Variants in DRC9 observed in about 807,000 individuals in gnomAD.
The protein encoded by DRC9 is dynein regulatory complex subunit 9.
At chr3:197,945,531 C>T in the DRC9 span, 289 of 816,012 alleles carry the variant, frequency 3.5e-4, 2 homozygotes, top group Middle Eastern at 5.1e-4. Flanking sequence ...TAATCTGTTA[C>T]GCAGCAATAG....
the DRC9 span, among the ~76,000 whole-genome samples, chr3:197,899,190 T>C: frequency 6.6e-6 from 1 of 152,234 alleles, no homozygotes; most frequent in African/African-American, 2.4e-5. Context: ...CAAAATTGTT[T>C]ATGATTGAAT....
chr3:197,927,209 G>T, the DRC9 span, among the ~76,000 whole-genome samples: 3 of 152,084 alleles, frequency 2.0e-5, no homozygotes, highest in Admixed American at 6.6e-5. Flanking sequence ...TTTTACTCAA[G>T]AATTTCTATT....
the DRC9 span, among the ~76,000 whole-genome samples, chr3:197,935,894 T>G: frequency 6.6e-6 from 1 of 152,190 alleles, no homozygotes; most frequent in Non-Finnish European, 1.5e-5. Context: ...GAACAGTACT[T>G]CTACTTCATA....
the DRC9 span, among the ~76,000 whole-genome samples, chr3:197,901,216 G>A: frequency 6.6e-6 from 1 of 152,114 alleles, no homozygotes. This position sits in a 1 kb window ranked among gnomAD's most constrained non-coding sequence, Gnocchi z 4.4. Flanking sequence ...TTGGCTCACT[G>A]CAACCTCCAC....
At chr3:197,910,737 T>C in the DRC9 span, among the ~76,000 whole-genome samples, 1 of 152,176 alleles carries the variant, frequency 6.6e-6, no homozygotes, top group Non-Finnish European at 1.5e-5. Flanking sequence ...CCCAGCACTT[T>C]GGGAGGCCGA....
the DRC9 span, among the ~76,000 whole-genome samples, chr3:197,944,593 C>CG: frequency 2.6e-5 from 4 of 152,152 alleles, no homozygotes; most frequent in Non-Finnish European, 5.9e-5. Flanking sequence ...GGACTACAGG[C>CG]GTCCACCAAC....
the DRC9 span, chr3:197,949,906 G>T: frequency 1.5e-5 from 6 of 398,888 alleles, no homozygotes; most frequent in Non-Finnish European, 2.6e-5. Context: ...TACGGCGTCC[G>T]GGGACGCAGG....
the DRC9 span, chr3:197,950,590 A>G: frequency 5.5e-6 from 2 of 362,866 alleles, no homozygotes; most frequent in East Asian, 5.3e-5. Context: ...GCCATTGCAT[A>G]AAAGTCTTAC....
chr3:197,933,261 T>G, the DRC9 span, among the ~76,000 whole-genome samples: 2 of 151,508 alleles, frequency 1.3e-5, no homozygotes, highest in African/African-American at 4.9e-5. Flanking sequence ...GTCAACATAG[T>G]GAAACCTCGT....
chr3:197,950,895 G>C, the DRC9 span: 4 of 1,606,050 alleles, frequency 2.5e-6, no homozygotes, highest in South Asian at 3.3e-5. Flanking sequence ...TGGGAAACTT[G>C]TGTGGCTTGG....
chr3:197,957,313 C>T, the DRC9 span: 1 of 152,268 alleles, frequency 6.6e-6, no homozygotes, highest in African/African-American at 2.4e-5. Context: ...CCCAGAGGTC[C>T]CTCTGTCACA....
At chr3:197,932,171 G>T in the DRC9 span, 2 of 1,610,916 alleles carry the variant, frequency 1.2e-6, no homozygotes, top group South Asian at 1.1e-5. Flanking sequence ...ACATGACTCT[G>T]ACCTGGCAAT....
At chr3:197,903,344 A>G in the DRC9 span, among the ~76,000 whole-genome samples, 8 of 152,200 alleles carry the variant, frequency 5.3e-5, no homozygotes, top group Admixed American at 4.6e-4. Flanking sequence ...GGATCATATC[A>G]AGTTAAAAAG....
the DRC9 span, chr3:197,951,010 G>C: frequency 6.2e-7 from 1 of 1,610,582 alleles, no homozygotes. Flanking sequence ...CTTTATTTTT[G>C]TGTGTTAGAC....
chr3:197,905,737 CAG>C, the DRC9 span, among the ~76,000 whole-genome samples: 2 of 150,434 alleles, frequency 1.3e-5, no homozygotes, highest in African/African-American at 2.5e-5. Flanking sequence ...ATTCCAATCT[CAG>C]AAGAAAAAAA....
At chr3:197,890,093 G>A in the DRC9 span, among the ~76,000 whole-genome samples, 8 of 152,204 alleles carry the variant, frequency 5.3e-5, 1 homozygote, top group South Asian at 6.2e-4. Flanking sequence ...AAAAGCACTC[G>A]GCCAAAAATG....
chr3:197,921,841 T>C, the DRC9 span, among the ~76,000 whole-genome samples: 1 of 142,940 alleles, frequency 7.0e-6, no homozygotes. Flanking sequence ...TGATTTCATC[T>C]TGATTGACCC....
chr3:197,933,959 G>C, the DRC9 span, among the ~76,000 whole-genome samples: 2 of 144,550 alleles, frequency 1.4e-5, no homozygotes, highest in African/African-American at 5.1e-5. Context: ...TACAGGCATG[G>C]GCCACCTCAC....
the DRC9 span, among the ~76,000 whole-genome samples, chr3:197,898,674 C>T: frequency 6.6e-6 from 1 of 152,248 alleles, no homozygotes; most frequent in East Asian, 1.9e-4. Flanking sequence ...GAACGAGTGC[C>T]GAGCGAAGGA....
Sources: gnomAD v4.1 joint callset for allele counts (sites outside exome capture counted in the v4.1 genomes callset) on GRCh38, gnomAD v4.1.1 for gene constraint, Gnocchi (gnomAD v3.1) non-coding constraint, MANE v1.5 for transcripts, NCBI Gene and HGNC (gene_info 2026-07-23, HGNC 2026-07-21) for gene names.